The following SIK2 variants were observed in gnomAD, a reference collection of about 807,000 sequenced individuals.
The protein encoded by SIK2 is salt inducible kinase 2.
In SIK2, 29 loss-of-function variants were observed where a neutral mutation model predicts 103.2. That is an observed-to-expected ratio of 0.28 (90% CI 0.21 to 0.38). The LOEUF is 0.38. Among genes scored for constraint, SIK2 ranks in the 10% least tolerant of loss-of-function variants. The pLI is 1.00. For synonymous variants in SIK2, 412 were observed against 446.1 expected (o/e 0.92, Z 0.96); for missense variants, 879 against 1,171.0 (o/e 0.75, Z 3.64).
At chr11:111,623,551 G>T (rs1397498804) in intron 3 of SIK2, among the ~76,000 whole-genome samples, 1 of 152,128 alleles carries the variant, frequency 6.6e-6, no homozygotes, top group African/African-American at 2.4e-5. Flanking sequence ...GATCCATTTG[G>T]GTCTTGCCTT....
At chr11:111,633,499 G>A (rs1395472401) in intron 3 of SIK2, among the ~76,000 whole-genome samples, 1 of 152,176 alleles carries the variant, frequency 6.6e-6, no homozygotes, top group Non-Finnish European at 1.5e-5. Flanking sequence ...GCCAGGTTAA[G>A]TAGTCTGAGG....
chr11:111,695,268 C>T (rs1943044059), intron 4 of SIK2, among the ~76,000 whole-genome samples: 1 of 152,132 alleles, frequency 6.6e-6, no homozygotes, highest in South Asian at 2.1e-4. Context: ...ATCTGCTGCT[C>T]TGTAGGAGGA....
At chr11:111,633,106 A>C (rs1258935280) in intron 3 of SIK2, among the ~76,000 whole-genome samples, 1 of 152,192 alleles carries the variant, frequency 6.6e-6, no homozygotes, top group African/African-American at 2.4e-5. Context: ...CTCTGATTCA[A>C]ACTCTGTGCT....
At position 111,701,101 on chromosome 11, in the gene SIK2, C is replaced by A; in HGVS notation, c.603+91C>A. The stretch of plus-strand genomic sequence containing the variant: ...TCTTAGAAGCTCCTGGTACTTAACA[C>A]ATAAGCAGTATTTCATATTTTCCCC... On this transcript the variant is annotated intron_variant, in intron 5 of 14. Transcript: ENST00000304987. This position sits in a 1 kb window ranked among gnomAD's most constrained non-coding sequence, Gnocchi z 4.2. 1 of 1,470,606 alleles carries A rather than the reference C, an allele frequency of 6.8e-7. No homozygotes were observed. The highest frequency in any genetic ancestry group is 9.1e-7 in the Non-Finnish European group (1 of 1,093,604). The allele number at this position is 1,470,606 out of a possible 1,614,324, so 91.1% of individuals were successfully genotyped here. A position where few individuals can be genotyped will look rare whatever the true frequency, so the allele number is the denominator to read the frequency against.
intron 3 of SIK2, among the ~76,000 whole-genome samples, chr11:111,686,339 G>C (rs991345780): frequency 6.6e-6 from 1 of 152,270 alleles, no homozygotes; most frequent in African/African-American, 2.4e-5. Context: ...TATTCGGGAG[G>C]CTGAGGCATG....
chr11:111,719,476 T>C (rs1943740704), intron 9 of SIK2, among the ~76,000 whole-genome samples: 1 of 149,914 alleles, frequency 6.7e-6, no homozygotes. Context: ...CTCAAACTAA[T>C]ATACCCCTGT....
intron 3 of SIK2, among the ~76,000 whole-genome samples, chr11:111,678,788 T>G (rs1242091929): frequency 3.9e-5 from 6 of 152,142 alleles, no homozygotes; most frequent in Non-Finnish European, 1.5e-5. Context: ...AAAAAAAAAT[T>G]GCTATGTGTG....
intron 8 of SIK2, among the ~76,000 whole-genome samples, chr11:111,708,658 A>C (rs1186659839): frequency 6.6e-6 from 1 of 152,090 alleles, no homozygotes; most frequent in East Asian, 1.9e-4. Context: ...ATCACAGCTC[A>C]CTTTAGCCTC....
At chr11:111,630,542 T>TTA (rs2135848431) in intron 3 of SIK2, among the ~76,000 whole-genome samples, 1 of 152,178 alleles carries the variant, frequency 6.6e-6, no homozygotes, top group African/African-American at 2.4e-5. Context: ...GATTTGAGGA[T>TTA]TACCTGAATA....
intron 1 of SIK2, among the ~76,000 whole-genome samples, chr11:111,607,657 A>T (rs1200493704): frequency 6.6e-6 from 1 of 152,144 alleles, no homozygotes; most frequent in Admixed American, 6.5e-5. Flanking sequence ...TTAATTTTGT[A>T]TTGAAATAAA....
chr11:111,645,355 A>C (rs1349135561), intron 3 of SIK2, among the ~76,000 whole-genome samples: 3 of 152,252 alleles, frequency 2.0e-5, no homozygotes, highest in Non-Finnish European at 4.4e-5. Flanking sequence ...TTTGTAGTAT[A>C]GTCATACAAT....
At chr11:111,627,481 G>C (rs1405452493) in intron 3 of SIK2, among the ~76,000 whole-genome samples, 1 of 152,126 alleles carries the variant, frequency 6.6e-6, no homozygotes, top group Non-Finnish European at 1.5e-5. Flanking sequence ...TTATCCAGGA[G>C]AAAACATAGT....
intron 3 of SIK2, among the ~76,000 whole-genome samples, chr11:111,634,937 T>G (rs1352815995): frequency 2.0e-5 from 3 of 152,228 alleles, no homozygotes; most frequent in African/African-American, 7.2e-5. Context: ...TATGCAAATG[T>G]TGAATGCATG....
At chr11:111,715,346 C>G (rs1943610164) in intron 9 of SIK2, among the ~76,000 whole-genome samples, 1 of 152,196 alleles carries the variant, frequency 6.6e-6, no homozygotes, top group African/African-American at 2.4e-5. Flanking sequence ...AGACACAGTT[C>G]CCTTTTTATT....
At chr11:111,644,419 A>G (rs1236071077) in intron 3 of SIK2, among the ~76,000 whole-genome samples, 3 of 152,148 alleles carry the variant, frequency 2.0e-5, no homozygotes, top group Non-Finnish European at 2.9e-5. Flanking sequence ...TCAAATGTAA[A>G]ATTTGAAAAA....
chr11:111,719,306 C>G (rs1174236057), intron 9 of SIK2, among the ~76,000 whole-genome samples: 6 of 145,686 alleles, frequency 4.1e-5, no homozygotes, highest in African/African-American at 1.5e-4. Context: ...TTTCTAAAAC[C>G]TTCCATTATG....
intron 3 of SIK2, among the ~76,000 whole-genome samples, chr11:111,684,088 G>C (rs1160777549): frequency 2.0e-5 from 3 of 152,166 alleles, no homozygotes; most frequent in Non-Finnish European, 4.4e-5. Context: ...TTCTCACACT[G>C]TGTGTGAGAT....
intron 8 of SIK2, among the ~76,000 whole-genome samples, chr11:111,710,634 G>C (rs1285000571): frequency 6.6e-6 from 1 of 152,194 alleles, no homozygotes; most frequent in Non-Finnish European, 1.5e-5. Context: ...TAGGAAGAAG[G>C]GGAAAGGAGG....
chr11:111,611,714 A>G (rs1244580507), intron 1 of SIK2, among the ~76,000 whole-genome samples: 1 of 152,186 alleles, frequency 6.6e-6, no homozygotes, highest in East Asian at 1.9e-4. Flanking sequence ...AAGATAATGT[A>G]TATATAATGA....
Sources: gnomAD v4.1 joint callset for allele counts (sites outside exome capture counted in the v4.1 genomes callset) on GRCh38, gnomAD v4.1.1 for gene constraint, Gnocchi (gnomAD v3.1) non-coding constraint, MANE v1.5 for transcripts, NCBI Gene and HGNC (gene_info 2026-07-23, HGNC 2026-07-21) for gene names.